The following KLHL2 variants were observed in gnomAD, a reference collection of about 807,000 sequenced individuals.
KLHL2 encodes kelch-like protein 2.
KLHL2 carries 15 observed loss-of-function variants against 75.8 expected under a neutral mutation model. That is an observed-to-expected ratio of 0.20 (90% CI 0.13 to 0.30). The LOEUF is 0.30. Among genes scored for constraint, KLHL2 ranks in the 10% least tolerant of loss-of-function variants. KLHL2 has a pLI of 1.00. For missense variants in KLHL2, 381 were observed against 741.0 expected (o/e 0.51, Z 5.64); for synonymous variants, 214 against 251.9 (o/e 0.85, Z 1.42).
intron 4 of KLHL2, among the ~76,000 whole-genome samples, chr4:165,254,890 CG>C (rs1329294416): frequency 1.3e-5 from 2 of 152,090 alleles, no homozygotes; most frequent in East Asian, 1.9e-4. Flanking sequence ...TCATCTTATG[CG>C]GGAGAGAGTA....
chr4:165,209,915 G>T, intron 1 of KLHL2: 8 of 984,984 alleles, frequency 8.1e-6, no homozygotes, highest in Non-Finnish European at 1.0e-5. Flanking sequence ...CCACCCCTTG[G>T]CCTGTTTGCC....
At chr4:165,268,810 C>CT (rs1414521907) in intron 5 of KLHL2, among the ~76,000 whole-genome samples, 1 of 152,150 alleles carries the variant, frequency 6.6e-6, no homozygotes, top group Non-Finnish European at 1.5e-5. Flanking sequence ...GTGGAGAGTT[C>CT]TGTAGATGTC....
chr4:165,214,452 G>A (rs1336991039), intron 1 of KLHL2, among the ~76,000 whole-genome samples: 2 of 152,276 alleles, frequency 1.3e-5, no homozygotes, highest in South Asian at 2.1e-4. Flanking sequence ...GACAAAAAGT[G>A]CCTGATTGTG....
Position 165,271,220 on chromosome 4 carries a change from ACT to A in KLHL2, c.544+7864_544+7865del, listed in dbSNP as rs1191930450. ...TGGCATTTTGATAGGAATTGCATTG[ACT>A]CTGTAGATTGCTTTGGACAGTATGG... On this transcript the variant is annotated intron_variant, in intron 5 of 14. Transcript: ENST00000226725. 3.3e-5 allele frequency among the ~76,000 whole-genome samples: 5 copies of A among 151,734 alleles called. No individual in the cohort carries two copies. In the East Asian group the frequency reaches 9.7e-4, roughly 29 times the overall value.
chr4:165,235,160 T>A (rs1326429985), intron 3 of KLHL2, among the ~76,000 whole-genome samples: 1 of 152,254 alleles, frequency 6.6e-6, no homozygotes, highest in Non-Finnish European at 1.5e-5. Context: ...TAAGTAAAAA[T>A]GCTATATTTT....
At position 165,278,832 on chromosome 4, in the gene KLHL2, T is replaced by C. The variant is rs761986411; in HGVS notation, c.544+15473T>C. The C allele has an allele frequency of 3.9e-6, 6 of 1,545,014 alleles. No homozygotes were observed. In the South Asian group the frequency reaches 6.7e-5, roughly 17 times the overall value. On this transcript the variant is annotated intron_variant, in intron 5 of 14. Coordinates refer to ENST00000226725, the MANE Select transcript of KLHL2 (RefSeq NM_007246.4). ...CCATACGTATTTTTGGCTTGTCCAA[T>C]CTGGAAGCACATTTGTCCCACCAGT...
chr4:165,250,772 G>A (rs1740638246), intron 4 of KLHL2, among the ~76,000 whole-genome samples: 1 of 152,028 alleles, frequency 6.6e-6, no homozygotes, highest in Admixed American at 6.5e-5. Context: ...AAAATTATTT[G>A]GGATCACTGG....
intron 4 of KLHL2, among the ~76,000 whole-genome samples, chr4:165,252,167 G>A (rs1455853623): frequency 6.6e-6 from 1 of 152,046 alleles, no homozygotes; most frequent in Admixed American, 6.5e-5. Context: ...ATTTGAACTC[G>A]AACAAGACAA....
At chr4:165,239,342 A>C (rs1376322807) in intron 4 of KLHL2, among the ~76,000 whole-genome samples, 1 of 149,972 alleles carries the variant, frequency 6.7e-6, no homozygotes, top group Non-Finnish European at 1.5e-5. Context: ...TGGATCATGC[A>C]GCCTCGACCT....
At chr4:165,260,132 G>C (rs1246876470) in intron 4 of KLHL2, among the ~76,000 whole-genome samples, 1 of 151,968 alleles carries the variant, frequency 6.6e-6, no homozygotes, top group Non-Finnish European at 1.5e-5. Flanking sequence ...TAGCAAGCTG[G>C]GTCAATTAGT....
intron 5 of KLHL2, among the ~76,000 whole-genome samples, chr4:165,284,683 G>A (rs775176303): frequency 2.6e-5 from 4 of 152,084 alleles, no homozygotes; most frequent in African/African-American, 4.8e-5. Flanking sequence ...AGTCGCTTCC[G>A]CATTTCTGGG....
intron 13 of KLHL2, among the ~76,000 whole-genome samples, chr4:165,317,199 A>C (rs923565257): frequency 2.0e-5 from 3 of 151,788 alleles, no homozygotes; most frequent in African/African-American, 4.8e-5. Flanking sequence ...TAAGTAGCTG[A>C]CTTTGACTTT....
chr4:165,275,530 C>T (rs1283163273), intron 5 of KLHL2, among the ~76,000 whole-genome samples: 2 of 152,314 alleles, frequency 1.3e-5, no homozygotes, highest in South Asian at 2.1e-4. Context: ...TACCTCACCA[C>T]TTCCCATACT....
At chr4:165,296,647 G>C (rs1024949899) in intron 6 of KLHL2, among the ~76,000 whole-genome samples, 2 of 152,098 alleles carry the variant, frequency 1.3e-5, no homozygotes, top group Non-Finnish European at 2.9e-5. Context: ...AGAGGATGTT[G>C]AAGTCATACC....
chr4:165,263,408 T>C (rs778698910), intron 5 of KLHL2, 49 bp downstream of exon 5: 1 of 1,601,420 alleles, frequency 6.2e-7, no homozygotes, highest in African/African-American at 1.3e-5. Context: ...TGCTTGGTTT[T>C]TGATATGATT....
Position 165,297,126 on chromosome 4 carries a change from GACAA to G in KLHL2, c.655-479_655-476del, listed in dbSNP as rs749225509. 6.6e-5 allele frequency among the ~76,000 whole-genome samples: 10 copies of G among 152,044 alleles called. No homozygotes were observed. In the East Asian group the frequency reaches 7.7e-4, roughly 12 times the overall value. ...CATCAGTTGAGAAGAAAATTATGTA[GACAA>G]ACAGTGTCTTCATATTAGCTTATTA... On this transcript the variant is annotated intron_variant, in intron 6 of 14. Transcript: ENST00000226725.
chr4:165,274,348 G>A (rs181600838), intron 5 of KLHL2, among the ~76,000 whole-genome samples: 50 of 152,260 alleles, frequency 3.3e-4, no homozygotes, highest in African/African-American at 1.0e-3. Flanking sequence ...AGTGGCTCAT[G>A]CCTGTAATCC....
intron 4 of KLHL2, among the ~76,000 whole-genome samples, chr4:165,255,313 C>T (rs1213801438): frequency 6.6e-6 from 1 of 152,042 alleles, no homozygotes; most frequent in Non-Finnish European, 1.5e-5. Flanking sequence ...TGTTAAAAAC[C>T]CCTAGAAGGG....
intron 3 of KLHL2, among the ~76,000 whole-genome samples, chr4:165,230,406 A>T: frequency 6.6e-6 from 1 of 152,214 alleles, no homozygotes. Context: ...TTTTGTAAAG[A>T]TTAAATGAGA....
Sources: allele counts gnomAD v4.1 joint callset (sites outside exome capture counted in the v4.1 genomes callset), GRCh38; gene constraint gnomAD v4.1.1; transcripts MANE v1.5; gene names NCBI Gene and HGNC (gene_info 2026-07-23, HGNC 2026-07-21).